SLC25A25: variants seen among roughly 807,000 people sequenced by gnomAD.
SLC25A25 encodes mitochondrial adenyl nucleotide antiporter SLC25A25.
A neutral mutation model predicts 57.7 loss-of-function variants in SLC25A25; 32 were observed. That is an observed-to-expected ratio of 0.55 (90% CI 0.42 to 0.74). The LOEUF (loss-of-function observed/expected upper bound fraction) is 0.74, where lower values mean the gene tolerates loss of function less well. SLC25A25 is among the 30% of genes least tolerant of loss of function. The pLI is 0.00. For missense variants in SLC25A25, 556 were observed against 701.3 expected (o/e 0.79, Z 2.34); for synonymous variants, 306 against 291.2 (o/e 1.05, Z -0.52).
chr9:128,068,564 C>A lies in SLC25A25; in HGVS notation c.245C>A (p.Thr82Asn). 7.0e-7 allele frequency: 1 copy of A among 1,423,140 alleles called. No homozygotes were observed. The highest frequency in any genetic ancestry group is 1.9e-4 in the Middle Eastern group (1 of 5,364). The allele number at this position is 1,423,140 out of a possible 1,614,324, so 88.2% of individuals were successfully genotyped here. Reference sequence around the variant, plus strand: ...CTGCGGCGCCTGGGACTGCACCGCACCGAGGGCGAGCTCCAGGTAGGCTGC... The same window carrying A: ...CTGCGGCGCCTGGGACTGCACCGCAACGAGGGCGAGCTCCAGGTAGGCTGC... Reference protein sequence around the residue: ...VGLRRLGLHRTEGELQKIVQA... With the variant: ...VGLRRLGLHRNEGELQKIVQA... Residue 82 changes from threonine to asparagine, a missense_variant, in exon 1 of 11, where the codon ACC becomes AAC. This residue lies in a region of SLC25A25 where 248 missense variants were observed against 273.5 expected (regional missense o/e 0.91). Coordinates refer to ENST00000373069, the MANE Select transcript of SLC25A25 (RefSeq NM_001330988.2).
intron 1 of SLC25A25, 162 bp from the exon 2 acceptor site, chr9:128,100,934 G>A (rs778698864): frequency 2.8e-5 from 27 of 948,768 alleles, no homozygotes; most frequent in Non-Finnish European, 3.1e-5. Context: ...CATGTAAGTC[G>A]ATTGCCATGG....
At chr9:128,079,861 C>G (rs1833108630) in intron 1 of SLC25A25, among the ~76,000 whole-genome samples, 1 of 152,066 alleles carries the variant, frequency 6.6e-6, no homozygotes, top group Non-Finnish European at 1.5e-5. Context: ...TATGGTGGTG[C>G]ACGCCTGTAG....
intron 1 of SLC25A25, among the ~76,000 whole-genome samples, chr9:128,071,003 T>C (rs1588742161): frequency 6.6e-6 from 1 of 151,094 alleles, no homozygotes; most frequent in East Asian, 1.9e-4. Flanking sequence ...ATAGGAAGGC[T>C]AAACCCAGAG....
At chr9:128,106,841 A>T (rs561093189) in intron 9 of SLC25A25, among the ~76,000 whole-genome samples, 188 bp from the exon 10 acceptor site, 23 of 152,158 alleles carry the variant, frequency 1.5e-4, no homozygotes, top group African/African-American at 5.1e-4. Context: ...GTGGGGAAGG[A>T]GGTGTTCCCT....
chr9:128,083,799 T>TA (rs943129346), intron 1 of SLC25A25, among the ~76,000 whole-genome samples: 2 of 151,960 alleles, frequency 1.3e-5, no homozygotes, highest in African/African-American at 4.8e-5. Context: ...ATTACAGGCG[T>TA]GAGCCACCGT....
At chr9:128,092,553 C>T (rs1833440189) in intron 1 of SLC25A25, among the ~76,000 whole-genome samples, 1 of 152,114 alleles carries the variant, frequency 6.6e-6, no homozygotes, top group South Asian at 2.1e-4. Context: ...CCCATCTCTC[C>T]TTTGGGTCTG....
At chr9:128,104,752 GTCTAAGCTGAGTGGGCATTC>G (rs1282410458) in intron 6 of SLC25A25, among the ~76,000 whole-genome samples, 2 of 152,108 alleles carry the variant, frequency 1.3e-5, no homozygotes, top group Non-Finnish European at 2.9e-5. Context: ...TTTGATCATT[GTCTAAGCTGAGTGGGCATTC>G]ATTCTATTTT....
Position 128,101,106 on chromosome 9 carries a change from A to G in SLC25A25, c.272A>G (p.Gln91Arg). 1 of 1,614,236 alleles carries G rather than the reference A, an allele frequency of 6.2e-7. No homozygotes were observed. The highest frequency in any genetic ancestry group is 8.5e-7 in the Non-Finnish European group (1 of 1,180,034). Residue 91 changes from glutamine (Q) to arginine (R), a missense_variant, in exon 2 of 11, where the codon CAA becomes CGA. Gln to Arg is a conservative substitution (Grantham distance 43, BLOSUM62 1). Around this residue, in one of 3 missense-constraint regions of SLC25A25, gnomAD observed 248 missense variants for 273.5 expected, o/e 0.91. Coordinates refer to ENST00000373069, the MANE Select transcript of SLC25A25 (RefSeq NM_001330988.2). This position sits in a 1 kb window ranked among gnomAD's most constrained non-coding sequence, Gnocchi z 4.9. ...RTEGELQKIVQAGDKDLDGQL... is the reference protein window; with the variant it reads ...RTEGELQKIVRAGDKDLDGQL... Reference sequence around the variant, plus strand: ...ACCTTTCTTTTCTAGAAAATTGTACAAGCTGGAGATAAGGACCTTGATGGG... The same window carrying G: ...ACCTTTCTTTTCTAGAAAATTGTACGAGCTGGAGATAAGGACCTTGATGGG...
rs1042115996 is a variant in SLC25A25 at position 128,074,303 on chromosome 9, A to C, written c.261+5723A>C. Among the ~76,000 whole-genome samples the C allele has an allele frequency of 4.0e-5, 6 of 151,794 alleles. No individual in the cohort carries two copies. The East Asian group carries it at 9.8e-4, about 25-fold the overall frequency. On this transcript the variant is annotated intron_variant, in intron 1 of 10. Transcript: ENST00000373069. The stretch of plus-strand genomic sequence containing the variant: ...GCAGTCCGCCCACCTCAGCCTCCCA[A>C]AGTGCTGAAATTACAGGCGTGAGCC...
chr9:128,103,885 C>T lies in SLC25A25; in HGVS notation c.783+46C>T. 3 of 1,482,958 alleles carry T rather than the reference C, an allele frequency of 2.0e-6. No homozygotes were observed. The highest frequency in any genetic ancestry group is 2.7e-6 in the Non-Finnish European group (3 of 1,118,004). The allele number at this position is 1,482,958 out of a possible 1,614,324, so 91.9% of individuals were successfully genotyped here. Reference sequence around the variant, plus strand: ...AGACCCCTGGGGGGCCAGTTTCCACCTGGGGGATGCTGCTTGGCTAGTTTT... The same window carrying T: ...AGACCCCTGGGGGGCCAGTTTCCACTTGGGGGATGCTGCTTGGCTAGTTTT... On this transcript the variant is annotated intron_variant, in intron 6 of 10. Coordinates refer to ENST00000373069, the MANE Select transcript of SLC25A25 (RefSeq NM_001330988.2). This position sits in a 1 kb window ranked among gnomAD's most constrained non-coding sequence, Gnocchi z 6.7.
chr9:128,105,795 G>A lies in SLC25A25; in HGVS notation c.850G>A (p.Gly284Arg), dbSNP rs542635849. 2 of 1,614,150 alleles carry A rather than the reference G, an allele frequency of 1.2e-6. No homozygotes were observed. Among genetic ancestry groups the A allele is most frequent in the South Asian group, 2.2e-5 (2 of 91,072 alleles). ...CTTCACTCAGATGATTCGAGAAGGA[G>A]GGGCCAGGTCACTCTGGCGGGGCAA... ...GGFTQMIREG[G>R]ARSLWRGNGI... Residue 284 changes from glycine to arginine, a missense_variant, in exon 7 of 11, where the codon GGG becomes AGG. Physicochemically the swap from Gly to Arg is moderately radical, Grantham distance 125. Coordinates refer to ENST00000373069, the MANE Select transcript of SLC25A25 (RefSeq NM_001330988.2).
At position 128,099,795 on chromosome 9, in the gene SLC25A25, C is replaced by T. The variant is rs527464100; in HGVS notation, c.262-1301C>T. Among the ~76,000 whole-genome samples, 1 of 152,114 alleles carries T rather than the reference C, an allele frequency of 6.6e-6. No individual in the cohort carries two copies. Among genetic ancestry groups the T allele is most frequent in the Non-Finnish European group, 1.5e-5 (1 of 68,020 alleles). On this transcript the variant is annotated intron_variant, in intron 1 of 10. Coordinates refer to ENST00000373069, the MANE Select transcript of SLC25A25 (RefSeq NM_001330988.2). The surrounding 1 kb of genome is among the most constrained non-coding windows in gnomAD (Gnocchi z 6.8). Reference sequence around the variant, plus strand: ...GTCAGTAGTGTGTCTAAGAGAGAGGCGCGGTGGTGATCCTTTGAGGACGCG... The same window carrying T: ...GTCAGTAGTGTGTCTAAGAGAGAGGTGCGGTGGTGATCCTTTGAGGACGCG...
chr9:128,097,109 CAAGT>C (rs1833582710), intron 1 of SLC25A25, among the ~76,000 whole-genome samples: 1 of 152,222 alleles, frequency 6.6e-6, no homozygotes, highest in Admixed American at 6.5e-5. Context: ...CTGTGATCCC[CAAGT>C]AATAACTATC....
At chr9:128,083,093 T>C (rs1240524432) in intron 1 of SLC25A25, among the ~76,000 whole-genome samples, 1 of 151,888 alleles carries the variant, frequency 6.6e-6, no homozygotes, top group African/African-American at 2.4e-5. Flanking sequence ...CCGGGCATTG[T>C]GGCGGGCGCC....
At chr9:128,075,643 A>G (rs1832994648) in intron 1 of SLC25A25, among the ~76,000 whole-genome samples, 1 of 152,126 alleles carries the variant, frequency 6.6e-6, no homozygotes, top group South Asian at 2.1e-4. Flanking sequence ...GGAGTTCGAG[A>G]CTAGCCTGGC....
chr9:128,106,033 G>C (rs7864867), intron 7 of SLC25A25, 117 bp from the exon 8 acceptor site: 1,520,486 of 1,522,832 alleles, frequency 1, 759,096 homozygotes, highest in East Asian at 1. Context: ...GGCTCACCAC[G>C]AGTTCCTTAC....
chr9:128,074,964 C>T (rs540956618), intron 1 of SLC25A25, among the ~76,000 whole-genome samples: 2 of 152,118 alleles, frequency 1.3e-5, no homozygotes, highest in East Asian at 1.9e-4. Flanking sequence ...AGTGAAACCC[C>T]GTCTCTACTA....
intron 1 of SLC25A25, among the ~76,000 whole-genome samples, chr9:128,075,997 G>T (rs961658401): frequency 7.9e-5 from 12 of 152,042 alleles, no homozygotes; most frequent in African/African-American, 2.9e-4. Context: ...TCTTATCTCG[G>T]CTTCCCAAAG....
intron 1 of SLC25A25, among the ~76,000 whole-genome samples, chr9:128,087,452 G>A (rs1187386435): frequency 6.6e-6 from 1 of 152,136 alleles, no homozygotes; most frequent in Non-Finnish European, 1.5e-5. Context: ...TTATCTGTAT[G>A]TAATGGGTCT....
Sources: allele counts gnomAD v4.1 joint callset (sites outside exome capture counted in the v4.1 genomes callset), GRCh38; gene constraint gnomAD v4.1.1; regional missense constraint gnomAD v4.1.1; non-coding constraint Gnocchi (gnomAD v3.1); transcripts MANE v1.5; gene names NCBI Gene and HGNC (gene_info 2026-07-23, HGNC 2026-07-21).